Variants in MAP2K6 observed in about 807,000 individuals in gnomAD.
The protein encoded by MAP2K6 is dual specificity mitogen-activated protein kinase kinase 6.
Under a neutral mutation model 53.7 loss-of-function variants are expected in MAP2K6, and 16 were observed. The observed-to-expected ratio is 0.30, with a 90% confidence interval of 0.20 to 0.45. The LOEUF (loss-of-function observed/expected upper bound fraction) is 0.45, where lower values mean the gene tolerates loss of function less well. Ranked by LOEUF, MAP2K6 falls within the 20% of genes least tolerant of loss-of-function variation. The pLI is 1.00. For missense variants in MAP2K6, 204 were observed against 411.9 expected (o/e 0.50, Z 4.37); for synonymous variants, 132 against 143.1 (o/e 0.92, Z 0.55).
intron 1 of MAP2K6, among the ~76,000 whole-genome samples, chr17:69,498,805 C>G (rs1212348167): frequency 6.6e-6 from 1 of 152,110 alleles, no homozygotes; most frequent in Non-Finnish European, 1.5e-5. Context: ...GGCACTAGTT[C>G]TAGGAGGTCA....
chr17:69,543,808 A>C lies in MAP2K6; in HGVS notation c.*2055A>C, dbSNP rs1323196702. On this transcript the variant is annotated 3_prime_UTR_variant, in exon 12 of 12. Transcript: ENST00000590474. ...TTCTAAACAGAATGTGTAACTTCTCATATGTATGCCTCTCCCATCTGTGAA... is the reference window on the plus strand; with the variant it reads ...TTCTAAACAGAATGTGTAACTTCTCCTATGTATGCCTCTCCCATCTGTGAA... 6.6e-6 allele frequency: 1 copy of C among 152,176 alleles called. No homozygotes were observed. The highest frequency in any genetic ancestry group is 2.4e-5 in the African/African-American group (1 of 41,448). The allele number at this position is 152,176 out of a possible 1,614,324, so 9.4% of individuals were successfully genotyped here.
chr17:69,553,489 A>G lies in MAP2K6; in HGVS notation c.*11736A>G, dbSNP rs1229922144. 1 of 152,226 alleles carries G rather than the reference A, an allele frequency of 6.6e-6. No homozygotes were observed. The highest frequency in any genetic ancestry group is 1.9e-4 in the East Asian group (1 of 5,196). The allele number at this position is 152,226 out of a possible 1,614,324, so 9.4% of individuals were successfully genotyped here. On this transcript the variant is annotated 3_prime_UTR_variant, in exon 12 of 12. Transcript: ENST00000590474. ...AAATCAAGCTTGACCTCCTCTTTTAATGAGGAACTTTCACGTTGACTTCCT... is the reference window on the plus strand; with the variant it reads ...AAATCAAGCTTGACCTCCTCTTTTAGTGAGGAACTTTCACGTTGACTTCCT...
chr17:69,431,954 G>A (rs1449948779), intron 1 of MAP2K6, among the ~76,000 whole-genome samples: 2 of 152,186 alleles, frequency 1.3e-5, no homozygotes, highest in Non-Finnish European at 2.9e-5. Flanking sequence ...CTGCCGGATT[G>A]GCTGGATCTG....
chr17:69,536,659 T>C (rs905758546), intron 11 of MAP2K6, among the ~76,000 whole-genome samples: 5 of 152,206 alleles, frequency 3.3e-5, no homozygotes, highest in Non-Finnish European at 7.3e-5. Context: ...AGACAAAGCA[T>C]GATTAGTTTA....
At chr17:69,458,534 A>T (rs1421245604) in intron 1 of MAP2K6, among the ~76,000 whole-genome samples, 1 of 152,036 alleles carries the variant, frequency 6.6e-6, no homozygotes, top group East Asian at 1.9e-4. Flanking sequence ...TTTCCCCAAA[A>T]CCGTGGACTG....
At chr17:69,503,191 A>T (rs191024475) in intron 1 of MAP2K6, among the ~76,000 whole-genome samples, 11 of 152,312 alleles carry the variant, frequency 7.2e-5, no homozygotes, top group Non-Finnish European at 1.3e-4. Context: ...TGGAATTTGT[A>T]TGTAGTTATC....
intron 1 of MAP2K6, among the ~76,000 whole-genome samples, chr17:69,449,509 C>A (rs202233959): frequency 9.9e-6 from 1 of 100,788 alleles, no homozygotes; most frequent in Non-Finnish European, 2.0e-5. Flanking sequence ...TTTTTTCTTT[C>A]TTTCTTTGTC....
rs939614454 is a variant in MAP2K6, at chr17:69,516,737, T to A, written c.84-118T>A. The stretch of plus-strand genomic sequence containing the variant: ...TTCACACTCATAGGCTGCTTTAGTT[T>A]ACTCATGAACTTCCACTTTCTTCTT... On this transcript the variant is annotated intron_variant, in intron 2 of 11. Coordinates refer to ENST00000590474, the MANE Select transcript of MAP2K6 (RefSeq NM_002758.4). 9.8e-6 allele frequency: 7 copies of A among 713,404 alleles called. No homozygotes were observed. In the South Asian group the frequency reaches 1.3e-4, roughly 13 times the overall value. 44.2% of individuals were successfully genotyped at this position (713,404 alleles called of 1,614,324 possible).
intron 1 of MAP2K6, among the ~76,000 whole-genome samples, chr17:69,425,066 C>T (rs1057427325): frequency 3.9e-5 from 6 of 152,172 alleles, no homozygotes; most frequent in Admixed American, 1.3e-4. Flanking sequence ...CTAACAAGAA[C>T]GTGGCCAGTG....
intron 1 of MAP2K6, among the ~76,000 whole-genome samples, chr17:69,417,683 C>T (rs1441850288): frequency 6.6e-6 from 1 of 152,114 alleles, no homozygotes; most frequent in African/African-American, 2.4e-5. Context: ...CCAGAAAGTG[C>T]AGGAATTCCT....
At chr17:69,478,030 A>G (rs1201803444) in intron 1 of MAP2K6, among the ~76,000 whole-genome samples, 3 of 152,228 alleles carry the variant, frequency 2.0e-5, no homozygotes, top group South Asian at 4.1e-4. Flanking sequence ...CAAGATTAGT[A>G]TGGTCAAAGT....
intron 1 of MAP2K6, among the ~76,000 whole-genome samples, chr17:69,462,723 C>T (rs1225930018): frequency 6.6e-6 from 1 of 152,130 alleles, no homozygotes; most frequent in Admixed American, 6.6e-5. Context: ...TTGGATTTTC[C>T]ACCTTCATGC....
At chr17:69,476,048 A>G (rs1908139593) in intron 1 of MAP2K6, among the ~76,000 whole-genome samples, 1 of 152,170 alleles carries the variant, frequency 6.6e-6, no homozygotes, top group Admixed American at 6.5e-5. Context: ...AGCCCTATGG[A>G]GTGGATTGGA....
At chr17:69,514,853 C>T (rs529117678) in intron 2 of MAP2K6, among the ~76,000 whole-genome samples, 83 of 152,170 alleles carry the variant, frequency 5.5e-4, no homozygotes, top group Admixed American at 2.0e-3. Context: ...TGAGCCACTG[C>T]GCCTCCGCCC....
chr17:69,464,947 C>G (rs1458357124), intron 1 of MAP2K6, among the ~76,000 whole-genome samples: 1 of 152,080 alleles, frequency 6.6e-6, no homozygotes, highest in Non-Finnish European at 1.5e-5. Context: ...AACTCCTGAC[C>G]TTGTGATCCC....
intron 1 of MAP2K6, among the ~76,000 whole-genome samples, chr17:69,445,891 CTT>C (rs1397814349): frequency 1.3e-5 from 2 of 152,136 alleles, no homozygotes; most frequent in Admixed American, 6.5e-5. Context: ...GTGCAGGTCT[CTT>C]TTTCTTATTT....
chr17:69,515,151 C>T lies in MAP2K6; in HGVS notation c.84-1704C>T, dbSNP rs145186106. 7.1e-3 allele frequency among the ~76,000 whole-genome samples: 1,067 copies of T among 150,838 alleles called. 10 individuals are homozygous for T. The highest frequency in any genetic ancestry group is 0.024 in the African/African-American group (972 of 41,090). The stretch of plus-strand genomic sequence containing the variant: ...TTGATCACATTAACAATTTGTTTCT[C>T]GAAATTTGCTTTTTTTTTTTTTTAA... On this transcript the variant is annotated intron_variant, in intron 2 of 11. Coordinates refer to ENST00000590474, the MANE Select transcript of MAP2K6 (RefSeq NM_002758.4).
chr17:69,500,261 G>A (rs1598292339), intron 1 of MAP2K6, among the ~76,000 whole-genome samples: 1 of 151,650 alleles, frequency 6.6e-6, no homozygotes, highest in South Asian at 2.1e-4. Context: ...TCAACATGGC[G>A]AAACCCCATC....
At chr17:69,534,121 C>A (rs1052121233) in intron 10 of MAP2K6, among the ~76,000 whole-genome samples, 4 of 152,124 alleles carry the variant, frequency 2.6e-5, no homozygotes, top group Admixed American at 2.6e-4. Context: ...GCCAGTAACA[C>A]CCTGCCACCA....
Sources: gnomAD v4.1 joint callset for allele counts (sites outside exome capture counted in the v4.1 genomes callset) on GRCh38, gnomAD v4.1.1 for gene constraint, MANE v1.5 for transcripts, NCBI Gene and HGNC (gene_info 2026-07-23, HGNC 2026-07-21) for gene names.